The following MYO5C variants were observed in gnomAD, a reference collection of about 807,000 sequenced individuals.
The protein encoded by MYO5C is myosin VC.
Under a neutral mutation model 235.7 loss-of-function variants are expected in MYO5C, and 194 were observed. The observed-to-expected ratio is 0.82, with a 90% confidence interval of 0.73 to 0.93. MYO5C has a LOEUF of 0.93. MYO5C is among the 40% of genes least tolerant of loss of function. The pLI is 0.00. For synonymous variants in MYO5C, 707 were observed against 754.8 expected (o/e 0.94, Z 1.04); for missense variants, 2,038 against 2,127.2 (o/e 0.96, Z 0.82).
At chr15:52,194,155 G>A in intron 40 of MYO5C, 101 bp from the exon 41 acceptor site, 2 of 1,110,770 alleles carry the variant, frequency 1.8e-6, no homozygotes, top group Non-Finnish European at 2.6e-6. Flanking sequence ...CTAGTGGAGA[G>A]CTCCTTGCAC....
chr15:52,237,759 G>T, intron 21 of MYO5C, 113 bp from the exon 22 acceptor site: 2 of 977,924 alleles, frequency 2.0e-6, no homozygotes, highest in Non-Finnish European at 3.0e-6. Flanking sequence ...GCTTTATGCT[G>T]ATCACACTTA....
At chr15:52,208,470 T>G (rs1446804430) in intron 36 of MYO5C, 84 bp downstream of exon 36, 1 of 1,247,454 alleles carries the variant, frequency 8.0e-7, no homozygotes, top group Non-Finnish European at 1.2e-6. Flanking sequence ...GTGGAGAGGA[T>G]AGAGGCTCTA....
At chr15:52,293,051 G>A (rs76536089) in intron 1 of MYO5C, among the ~76,000 whole-genome samples, 8,480 of 152,256 alleles carry the variant, frequency 0.056, 463 homozygotes, top group African/African-American at 0.14. Context: ...TGCCAGACCG[G>A]CTCTTCTTAA....
chr15:52,205,989 AATATT>A (rs745663531), intron 36 of MYO5C, 23 bp from the exon 37 acceptor site: 1 of 1,375,224 alleles, frequency 7.3e-7, no homozygotes, highest in Admixed American at 2.1e-5. Flanking sequence ...TTAAACATAA[AATATT>A]AGAATAATAC....
At chr15:52,272,854 G>T in intron 5 of MYO5C, 131 bp from the exon 6 acceptor site, 2 of 829,538 alleles carry the variant, frequency 2.4e-6, no homozygotes, top group Non-Finnish European at 3.7e-6. Flanking sequence ...GAAGTCTGGG[G>T]AAAGAAAGCA....
intron 32 of MYO5C, among the ~76,000 whole-genome samples, chr15:52,217,960 CA>C (rs1294891704): frequency 6.6e-6 from 1 of 152,196 alleles, no homozygotes; most frequent in Non-Finnish European, 1.5e-5. Flanking sequence ...CACAGCATCA[CA>C]ATTTCAAAAT....
chr15:52,275,508 A>G, intron 5 of MYO5C, 54 bp downstream of exon 5: 1 of 1,608,492 alleles, frequency 6.2e-7, no homozygotes, highest in Non-Finnish European at 8.5e-7. Context: ...ACACAAACCA[A>G]CCAACCCCCA....
intron 10 of MYO5C, among the ~76,000 whole-genome samples, chr15:52,257,299 C>T (rs974550165): frequency 1.2e-4 from 19 of 152,328 alleles, no homozygotes; most frequent in East Asian, 3.9e-4. Context: ...CCATCAGGGA[C>T]GAGACAGACA....
chr15:52,196,228 C>T (rs1214898165), intron 39 of MYO5C, 81 bp downstream of exon 39: 2 of 1,407,792 alleles, frequency 1.4e-6, no homozygotes, highest in Non-Finnish European at 1.9e-6. Context: ...GTGCCCACAG[C>T]TGGCTAAACC....
chr15:52,213,329 C>G (rs1394362817), intron 33 of MYO5C, 43 bp from the exon 34 acceptor site: 2 of 1,432,844 alleles, frequency 1.4e-6, no homozygotes, highest in East Asian at 4.5e-5. Context: ...ACAAAAGCAG[C>G]TTTCACAGGT....
chr15:52,266,172 A>G (rs1387305653), intron 8 of MYO5C, among the ~76,000 whole-genome samples: 1 of 150,330 alleles, frequency 6.7e-6, no homozygotes, highest in Non-Finnish European at 1.5e-5. Flanking sequence ...CCAAAACATT[A>G]ATACAAAAGA....
At chr15:52,196,575 TC>T in intron 38 of MYO5C, 92 bp from the exon 39 acceptor site, 4 of 1,213,978 alleles carry the variant, frequency 3.3e-6, no homozygotes, top group Non-Finnish European at 4.6e-6. Context: ...TTCGCTGAGA[TC>T]CTTAAGACCA....
At position 52,275,617 on chromosome 15, in the gene MYO5C, G is replaced by C. The variant is rs751882777; in HGVS notation, c.551C>G (p.Ser184Trp). The C allele has an allele frequency of 1.9e-5, 31 of 1,614,088 alleles. No individual in the cohort carries two copies. Among genetic ancestry groups the C allele is most frequent in the Non-Finnish European group, 2.5e-5 (30 of 1,180,048 alleles). The stretch of plus-strand genomic sequence containing the variant: ...GTCTTCCACGTGAGCGTTGCTGCCC[G>C]ATTTGCTGACGGTGGCAAAGTACCT... Reference protein sequence around the residue: ...AMRYFATVSKSGSNAHVEDKV... With the variant: ...AMRYFATVSKWGSNAHVEDKV... The change falls in exon 5 of 41, where the codon TCG (serine) becomes TGG (tryptophan). Residue 184 changes from serine (S) to tryptophan (W), a missense_variant. Physicochemically the swap from Ser to Trp is radical, Grantham distance 177. Coordinates refer to ENST00000261839, the MANE Select transcript of MYO5C (RefSeq NM_018728.4).
chr15:52,273,752 T>A (rs1303918045), intron 5 of MYO5C, among the ~76,000 whole-genome samples: 1 of 152,146 alleles, frequency 6.6e-6, no homozygotes, highest in African/African-American at 2.4e-5. Context: ...TAAAGTATAT[T>A]ATACTAAAGT....
chr15:52,218,343 G>T (rs950692103), intron 32 of MYO5C, among the ~76,000 whole-genome samples, 176 bp downstream of exon 32: 1 of 152,148 alleles, frequency 6.6e-6, no homozygotes, highest in Admixed American at 6.5e-5. Flanking sequence ...AGTCCCCAAG[G>T]CCTTCCCAAA....
rs758731382 is a variant in MYO5C, at chr15:52,245,480, G to A, written c.2067-15C>T. 1 of 1,579,812 alleles carries A rather than the reference G, an allele frequency of 6.3e-7. No individual in the cohort carries two copies. The highest frequency in any genetic ancestry group is 8.7e-7 in the Non-Finnish European group (1 of 1,148,962). ...TGTATGTCCACCTGGAAAATCAAAG[G>A]GGATCAAAGCCAGGAGTGTCAGAGG... On this transcript the variant is annotated splice_polypyrimidine_tract_variant and intron_variant, in intron 17 of 40. Coordinates refer to ENST00000261839, the MANE Select transcript of MYO5C (RefSeq NM_018728.4).
In MYO5C at chr15:52,219,776, C is replaced by A; in HGVS notation, c.3768G>T (p.Glu1256Asp). 6.2e-7 allele frequency: 1 copy of A among 1,612,404 alleles called. No homozygotes were observed. Among genetic ancestry groups the A allele is most frequent in the South Asian group, 1.1e-5 (1 of 90,830 alleles). ...LSNQLHRSQE[E>D]EGTQRKALEA... The stretch of plus-strand genomic sequence containing the variant: ...ACACTTACTTTCTTTGTGTTCCTTC[C>A]TCCTCTTGACTGCGATGTAACTGAT... Residue 1256 changes from glutamate to aspartate, a missense_variant, in exon 31 of 41, where the codon GAG becomes GAT. Coordinates refer to ENST00000261839, the MANE Select transcript of MYO5C (RefSeq NM_018728.4).
rs369126913 is a variant in MYO5C at position 52,225,186 on chromosome 15, A to G, written c.3302-48T>C. ...TATATATTACATTTGTGGATGATTT[A>G]TCTTTTCCCATTCCCTTTCCAGGGC... On this transcript the variant is annotated intron_variant, in intron 26 of 40. Transcript: ENST00000261839. 9.4e-6 allele frequency: 15 copies of G among 1,597,202 alleles called. No homozygotes were observed. The Middle Eastern group carries it at 7.1e-4, about 75-fold the overall frequency.
Position 52,278,847 on chromosome 15 carries a change from G to A in MYO5C, c.449+26C>T, listed in dbSNP as rs2037104357. ...TGCAGGGAGCATTGGCAGAGCAAGG[G>A]GAAGTCCAGCTTGGCAGGAAGCTAC... On this transcript the variant is annotated intron_variant, in intron 4 of 40. Coordinates refer to ENST00000261839, the MANE Select transcript of MYO5C (RefSeq NM_018728.4). 1.9e-6 allele frequency: 3 copies of A among 1,612,122 alleles called. No individual in the cohort carries two copies. The African/African-American group carries it at 4.0e-5, about 22-fold the overall frequency.
Sources: gnomAD v4.1 joint callset for allele counts (sites outside exome capture counted in the v4.1 genomes callset) on GRCh38, gnomAD v4.1.1 for gene constraint, MANE v1.5 for transcripts, NCBI Gene and HGNC (gene_info 2026-07-23, HGNC 2026-07-21) for gene names.